PPME1: variants seen among roughly 807,000 people sequenced by gnomAD.
PPME1 encodes the protein protein phosphatase methylesterase 1, also known as testicular secretory protein Li 39.
Under a neutral mutation model 56.9 loss-of-function variants are expected in PPME1, and 17 were observed. That is an observed-to-expected ratio of 0.30 (90% CI 0.20 to 0.45). The LOEUF is 0.45. Ranked by LOEUF, PPME1 falls within the 20% of genes least tolerant of loss-of-function variation. The pLI is 1.00. For synonymous variants in PPME1, 122 were observed against 156.2 expected (o/e 0.78, Z 1.63); for missense variants, 357 against 483.2 (o/e 0.74, Z 2.45).
intron 1 of PPME1, among the ~76,000 whole-genome samples, chr11:74,195,121 AAAAGT>A (rs1857946510): frequency 6.6e-6 from 1 of 152,242 alleles, no homozygotes; most frequent in Non-Finnish European, 1.5e-5. Flanking sequence ...ACTCATACAG[AAAAGT>A]AAAGTATATA....
intron 8 of PPME1, 172 bp downstream of exon 8, chr11:74,236,138 G>GCCTTCCTTTCTCT: frequency 2.7e-6 from 3 of 1,110,842 alleles, no homozygotes; most frequent in Non-Finnish European, 3.7e-6. Flanking sequence ...TCTTTCGCCT[G>GCCTTCCTTTCTCT]CCTTCCTTTC....
At chr11:74,176,880 A>G (rs2135589945) in intron 1 of PPME1, among the ~76,000 whole-genome samples, 1 of 151,518 alleles carries the variant, frequency 6.6e-6, no homozygotes, top group South Asian at 2.1e-4. Context: ...ACAGGCATGC[A>G]CCACCACACC....
rs771389366 is a variant in PPME1 at position 74,217,944 on chromosome 11, CAA to C, written c.289-4367_289-4366del. ...GGAAGTCTTAGCTAGAGCAATCAGACAAGAGAAAGAAAGGGCATCCAAATTGG... is the reference window on the plus strand; with the variant it reads ...GGAAGTCTTAGCTAGAGCAATCAGACGAGAAAGAAAGGGCATCCAAATTGG... On this transcript the variant is annotated intron_variant, in intron 3 of 13. Transcript: ENST00000328257. 1.9e-4 allele frequency among the ~76,000 whole-genome samples: 29 copies of C among 152,026 alleles called. 1 individual carries two copies. Among genetic ancestry groups the C allele is most frequent in the South Asian group, 1.7e-3 (8 of 4,798 alleles).
At chr11:74,240,839 A>G (rs75242546) in intron 9 of PPME1, among the ~76,000 whole-genome samples, 4,794 of 152,234 alleles carry the variant, frequency 0.031, 231 homozygotes, top group African/African-American at 0.11. Flanking sequence ...AATATAATCA[A>G]TTGCTTTTTA....
rs1857206600 is a variant in PPME1, at chr11:74,171,293, C to T, written c.-129C>T. ...AGCCGGTGGGCGGTAGGCGGTGCTACGGGTAGCTGGGTGCTGTCCAAAGGC... is the reference window on the plus strand; with the variant it reads ...AGCCGGTGGGCGGTAGGCGGTGCTATGGGTAGCTGGGTGCTGTCCAAAGGC... On this transcript the variant is annotated 5_prime_UTR_variant, in exon 1 of 14. The change creates a new upstream start codon in the 5' untranslated region. Transcript: ENST00000328257. The T allele has an allele frequency of 6.6e-7, 1 of 1,504,102 alleles. No individual in the cohort carries two copies. Among genetic ancestry groups the T allele is most frequent in the Non-Finnish European group, 8.9e-7 (1 of 1,125,768 alleles). The allele number at this position is 1,504,102 out of a possible 1,614,324, so 93.2% of individuals were successfully genotyped here.
chr11:74,212,342 T>C (rs773167245), intron 3 of PPME1, among the ~76,000 whole-genome samples: 4 of 152,064 alleles, frequency 2.6e-5, no homozygotes. Flanking sequence ...CCCATTCCAG[T>C]GTTCTGAATT....
At chr11:74,189,223 C>G (rs1565377599) in intron 1 of PPME1, among the ~76,000 whole-genome samples, 1 of 152,092 alleles carries the variant, frequency 6.6e-6, no homozygotes, top group Non-Finnish European at 1.5e-5. Context: ...GACCCTGTCT[C>G]TATTTAAAAT....
chr11:74,230,484 T>C lies in PPME1; in HGVS notation c.553+85T>C. On this transcript the variant is annotated intron_variant, in intron 6 of 13. Transcript: ENST00000328257. This position sits in a 1 kb window ranked among gnomAD's most constrained non-coding sequence, Gnocchi z 4.9. The stretch of plus-strand genomic sequence containing the variant: ...ATTATTACCTTGTCTTAGTTTATTG[T>C]TGATTTCATTCATCTTGAAATATGT... The C allele has an allele frequency of 7.0e-7, 1 of 1,438,684 alleles. No individual in the cohort carries two copies. The highest frequency in any genetic ancestry group is 9.6e-7 in the Non-Finnish European group (1 of 1,040,140). 89.1% of individuals were successfully genotyped at this position (1,438,684 alleles called of 1,614,324 possible). A position where few individuals can be genotyped will look rare whatever the true frequency, so the allele number is the denominator to read the frequency against.
intron 3 of PPME1, among the ~76,000 whole-genome samples, chr11:74,216,215 T>C (rs1224580946): frequency 6.6e-6 from 1 of 152,232 alleles, no homozygotes; most frequent in Non-Finnish European, 1.5e-5. Context: ...AAGACATGGA[T>C]CATTCTCAAG....
intron 9 of PPME1, among the ~76,000 whole-genome samples, chr11:74,240,352 A>C (rs1471655184): frequency 6.6e-6 from 1 of 152,204 alleles, no homozygotes; most frequent in African/African-American, 2.4e-5. Flanking sequence ...GATGTTCTGC[A>C]TGAATTTCCC....
chr11:74,172,904 C>T (rs1467280678), intron 1 of PPME1, among the ~76,000 whole-genome samples: 4 of 151,730 alleles, frequency 2.6e-5, no homozygotes, highest in Non-Finnish European at 4.4e-5. Context: ...AAAAAGGAGG[C>T]GAGAGTAGGA....
intron 1 of PPME1, among the ~76,000 whole-genome samples, chr11:74,180,286 C>A (rs960668927): frequency 6.6e-6 from 1 of 152,160 alleles, no homozygotes; most frequent in African/African-American, 2.4e-5. Context: ...TATTGGTCAA[C>A]TGTGTATTCC....
At chr11:74,222,243 T>C in intron 3 of PPME1, 69 bp from the exon 4 acceptor site, 1 of 1,223,620 alleles carries the variant, frequency 8.2e-7, no homozygotes. Context: ...TTTTACAAAG[T>C]TATCATTGGG....
intron 1 of PPME1, among the ~76,000 whole-genome samples, chr11:74,192,126 C>T (rs570753478): frequency 3.9e-5 from 6 of 152,308 alleles, no homozygotes; most frequent in Admixed American, 2.6e-4. Flanking sequence ...GGTAGAGCTG[C>T]CCAAGGCCTT....
At chr11:74,208,838 AG>A (rs1046487766) in intron 3 of PPME1, among the ~76,000 whole-genome samples, 1 of 152,356 alleles carries the variant, frequency 6.6e-6, no homozygotes, top group Admixed American at 6.5e-5. Flanking sequence ...TTGGATTAGT[AG>A]GGAAGGCATG....
chr11:74,228,338 C>T (rs987594909), intron 5 of PPME1, among the ~76,000 whole-genome samples: 1 of 152,050 alleles, frequency 6.6e-6, no homozygotes, highest in Non-Finnish European at 1.5e-5. Context: ...CACATATTAT[C>T]GAATCTTTGT....
chr11:74,220,422 G>C (rs1858768771), intron 3 of PPME1, among the ~76,000 whole-genome samples: 1 of 152,188 alleles, frequency 6.6e-6, no homozygotes, highest in African/African-American at 2.4e-5. Flanking sequence ...ACTTGAATCA[G>C]AATTTCTGGT....
chr11:74,236,098 G>C (rs1473947783), intron 8 of PPME1, 132 bp downstream of exon 8: 1 of 1,391,518 alleles, frequency 7.2e-7, no homozygotes, highest in Non-Finnish European at 9.6e-7. Context: ...TAATTTTAAA[G>C]GTGAGTTCAG....
At chr11:74,192,117 G>A (rs1041562161) in intron 1 of PPME1, among the ~76,000 whole-genome samples, 4 of 152,202 alleles carry the variant, frequency 2.6e-5, no homozygotes, top group African/African-American at 9.7e-5. Flanking sequence ...CAAGCAATAG[G>A]TAGAGCTGCC....
Sources: allele counts gnomAD v4.1 joint callset (sites outside exome capture counted in the v4.1 genomes callset), GRCh38; gene constraint gnomAD v4.1.1; non-coding constraint Gnocchi (gnomAD v3.1); transcripts MANE v1.5; gene names NCBI Gene and HGNC (gene_info 2026-07-23, HGNC 2026-07-21).